The following SGCZ variants were observed in gnomAD, a reference collection of about 807,000 sequenced individuals.
SGCZ encodes the protein zeta-sarcoglycan.
Under a neutral mutation model 41.3 loss-of-function variants are expected in SGCZ, and 40 were observed. The ratio of observed to expected loss-of-function variants is 0.97; its 90% CI spans 0.75 to 1.26. SGCZ has a LOEUF of 1.26. Ranked by LOEUF, SGCZ falls within the 50% of genes most tolerant of loss-of-function variation. The pLI is 0.00. For synonymous variants in SGCZ, 206 were observed against 137.5 expected (o/e 1.50, Z -3.49); for missense variants, 552 against 369.8 (o/e 1.49, Z -4.04).
At chr8:14,099,256 T>C (rs1025579826) in intron 7 of SGCZ, among the ~76,000 whole-genome samples, 2 of 152,148 alleles carry the variant, frequency 1.3e-5, no homozygotes, top group Non-Finnish European at 2.9e-5. Context: ...ACTTCTAAAA[T>C]TGATATGGCT....
At chr8:14,300,111 G>A (rs1011966873) in intron 3 of SGCZ, among the ~76,000 whole-genome samples, 1 of 151,832 alleles carries the variant, frequency 6.6e-6, no homozygotes, top group Non-Finnish European at 1.5e-5. Flanking sequence ...GTGGGCTTTA[G>A]GAAATAGCAA....
chr8:14,742,400 C>A (rs149100645), intron 1 of SGCZ, among the ~76,000 whole-genome samples: 2 of 152,188 alleles, frequency 1.3e-5, no homozygotes, highest in Non-Finnish European at 2.9e-5. Context: ...TTATTGTGCA[C>A]ATTGCCTTTT....
intron 1 of SGCZ, among the ~76,000 whole-genome samples, chr8:14,851,657 T>C (rs1056992117): frequency 1.3e-5 from 2 of 152,134 alleles, no homozygotes; most frequent in Non-Finnish European, 2.9e-5. Context: ...AAAGAAAATA[T>C]ATTTTAATAC....
intron 1 of SGCZ, among the ~76,000 whole-genome samples, chr8:14,899,039 T>A (rs1256784423): frequency 6.6e-6 from 1 of 152,218 alleles, no homozygotes; most frequent in Non-Finnish European, 1.5e-5. Context: ...GTGTTAGAGT[T>A]TCACTTTTTT....
intron 2 of SGCZ, among the ~76,000 whole-genome samples, chr8:14,514,087 T>C (rs1802542387): frequency 6.6e-6 from 1 of 152,058 alleles, no homozygotes; most frequent in African/African-American, 2.4e-5. Flanking sequence ...CATAGGTTAG[T>C]CCTTTGAGAA....
chr8:14,578,095 T>C (rs567808702), intron 1 of SGCZ, among the ~76,000 whole-genome samples: 1 of 152,198 alleles, frequency 6.6e-6, no homozygotes, highest in Admixed American at 6.5e-5. Context: ...CATTGAGGCC[T>C]ATTTTATCAA....
At chr8:14,390,649 T>C (rs1191127588) in intron 2 of SGCZ, among the ~76,000 whole-genome samples, 2 of 151,924 alleles carry the variant, frequency 1.3e-5, no homozygotes, top group South Asian at 2.1e-4. Flanking sequence ...TAAAATAAGA[T>C]TGCAGTCATT....
intron 3 of SGCZ, among the ~76,000 whole-genome samples, chr8:14,277,221 G>A (rs1004919176): frequency 6.6e-6 from 1 of 152,078 alleles, no homozygotes; most frequent in Non-Finnish European, 1.5e-5. Context: ...CCCCATTACT[G>A]TCTTCTATCT....
chr8:14,232,835 T>G (rs921740428), intron 4 of SGCZ, among the ~76,000 whole-genome samples: 1 of 152,030 alleles, frequency 6.6e-6, no homozygotes, highest in Non-Finnish European at 1.5e-5. Flanking sequence ...ATACCTATGA[T>G]GAAATACAAG....
At chr8:14,108,994 A>T (rs949653587) in intron 5 of SGCZ, among the ~76,000 whole-genome samples, 1 of 152,134 alleles carries the variant, frequency 6.6e-6, no homozygotes, top group Non-Finnish European at 1.5e-5. Flanking sequence ...GGTGAGTTCC[A>T]GTGTAGCCTA....
In SGCZ at chr8:14,432,961, A is replaced by ACAC. The variant is rs551488100; in HGVS notation, c.235-108760_235-108758dup. Among the ~76,000 whole-genome samples the ACAC allele has an allele frequency of 5.2e-3, 780 of 150,828 alleles. 5 individuals are homozygous for ACAC. Among genetic ancestry groups the ACAC allele is most frequent in the Non-Finnish European group, 8.5e-3 (574 of 67,772 alleles). On this transcript the variant is annotated intron_variant, in intron 2 of 7. Coordinates refer to ENST00000382080, the MANE Select transcript of SGCZ (RefSeq NM_139167.4). ...AAAAAAAGCTTACTCATGTAACCAAACACCACCTGTTCTCCAATAACCTAT... is the reference window on the plus strand; with the variant it reads ...AAAAAAAGCTTACTCATGTAACCAAACACCACCACCTGTTCTCCAATAACCTAT...
rs527550500 is a variant in SGCZ at position 14,279,669 on chromosome 8, C to T, written c.337-41990G>A. On this transcript the variant is annotated intron_variant, in intron 3 of 7. Coordinates refer to ENST00000382080, the MANE Select transcript of SGCZ (RefSeq NM_139167.4). ...TATAGCTTCTTTGACTGCACAGCTTCGGGCAGGTTAAAGTCATGTGTATTA... is the reference window on the plus strand; with the variant it reads ...TATAGCTTCTTTGACTGCACAGCTTTGGGCAGGTTAAAGTCATGTGTATTA... Among the ~76,000 whole-genome samples the T allele has an allele frequency of 1.4e-4, 22 of 152,106 alleles. No homozygotes were observed. In the South Asian group the frequency reaches 3.9e-3, roughly 27 times the overall value.
intron 1 of SGCZ, among the ~76,000 whole-genome samples, chr8:14,833,822 GAAA>G (rs34866168): frequency 5.3e-5 from 8 of 149,572 alleles, no homozygotes; most frequent in African/African-American, 1.7e-4. Context: ...GATGATCCAG[GAAA>G]AAAAAAAATG....
intron 2 of SGCZ, among the ~76,000 whole-genome samples, chr8:14,528,903 A>G (rs752758187): frequency 6.0e-5 from 9 of 151,246 alleles, no homozygotes; most frequent in Non-Finnish European, 1.0e-4. Flanking sequence ...CATTTTTTTC[A>G]TATTTAGAAG....
chr8:14,334,909 G>A (rs989323125), intron 2 of SGCZ, among the ~76,000 whole-genome samples: 5 of 151,990 alleles, frequency 3.3e-5, no homozygotes, highest in African/African-American at 7.3e-5. Context: ...GTGTATTTCC[G>A]ACTGTGTATT....
intron 1 of SGCZ, among the ~76,000 whole-genome samples, chr8:14,711,548 G>C (rs940158867): frequency 7.0e-6 from 1 of 142,522 alleles, no homozygotes. Context: ...GTTGTAGTGA[G>C]CCAAGATTGC....
At chr8:14,808,314 A>G (rs998342501) in intron 1 of SGCZ, among the ~76,000 whole-genome samples, 6 of 152,212 alleles carry the variant, frequency 3.9e-5, no homozygotes, top group Middle Eastern at 3.4e-3. Context: ...ATGGGAGAAA[A>G]TTTTCGCAAC....
chr8:15,204,799 C>T (rs1801007788), intron 1 of SGCZ, among the ~76,000 whole-genome samples: 1 of 152,012 alleles, frequency 6.6e-6, no homozygotes, highest in Admixed American at 6.6e-5. Flanking sequence ...TTTTTAAAAC[C>T]TCCAGCATTT....
intron 1 of SGCZ, among the ~76,000 whole-genome samples, chr8:14,789,921 T>C (rs150817890): frequency 5.3e-4 from 81 of 152,312 alleles, no homozygotes; most frequent in African/African-American, 1.8e-3. Context: ...AAACAGAGAA[T>C]GTTTTCAATT....
Sources: gnomAD v4.1 joint callset for allele counts (sites outside exome capture counted in the v4.1 genomes callset) on GRCh38, gnomAD v4.1.1 for gene constraint, MANE v1.5 for transcripts, NCBI Gene and HGNC (gene_info 2026-07-23, HGNC 2026-07-21) for gene names.